PHKB: variants seen among roughly 807,000 people sequenced by gnomAD.
The protein encoded by PHKB is phosphorylase kinase regulatory subunit beta, also known as phosphorylase b kinase regulatory subunit beta.
A neutral mutation model predicts 152.1 loss-of-function variants in PHKB; 122 were observed. The ratio of observed to expected loss-of-function variants is 0.80; its 90% CI spans 0.69 to 0.93. PHKB has a LOEUF of 0.93. Among genes scored for constraint, PHKB ranks in the 40% least tolerant of loss-of-function variants. The pLI is 0.00. For missense variants in PHKB, 1,304 were observed against 1,328.4 expected (o/e 0.98, Z 0.29); for synonymous variants, 436 against 464.9 (o/e 0.94, Z 0.80).
intron 6 of PHKB, among the ~76,000 whole-genome samples, chr16:47,538,065 T>A (rs960184464): frequency 7.2e-5 from 11 of 152,088 alleles, no homozygotes; most frequent in African/African-American, 1.2e-4. Context: ...GCTAATTTTT[T>A]AATTTTTTTT....
chr16:47,690,018 C>T (rs990361005), intron 27 of PHKB, among the ~76,000 whole-genome samples: 4 of 152,016 alleles, frequency 2.6e-5, no homozygotes, highest in Non-Finnish European at 5.9e-5. Context: ...AAGGACTTGC[C>T]CTGCTAGACA....
At chr16:47,552,175 A>C (rs1971283431) in intron 7 of PHKB, among the ~76,000 whole-genome samples, 1 of 152,024 alleles carries the variant, frequency 6.6e-6, no homozygotes, top group African/African-American at 2.4e-5. Flanking sequence ...CCAGTTTTCC[A>C]GTCTCTGTTT....
chr16:47,580,482 G>C, intron 8 of PHKB, 124 bp downstream of exon 8: 1 of 665,590 alleles, frequency 1.5e-6, no homozygotes, highest in South Asian at 1.9e-5. Flanking sequence ...AGAAGCTCAT[G>C]CTTGAACTTT....
chr16:47,633,890 G>T (rs1418899622), intron 14 of PHKB, among the ~76,000 whole-genome samples: 2 of 152,118 alleles, frequency 1.3e-5, no homozygotes, highest in Non-Finnish European at 2.9e-5. Flanking sequence ...TTTTCTTCAT[G>T]CATTCAAGAA....
At chr16:47,662,510 T>G (rs1038092828) in intron 23 of PHKB, among the ~76,000 whole-genome samples, 1 of 152,234 alleles carries the variant, frequency 6.6e-6, no homozygotes, top group Non-Finnish European at 1.5e-5. Flanking sequence ...TGGTTAGAAC[T>G]GAAAAACAGC....
chr16:47,659,634 A>G (rs1052487893), intron 20 of PHKB, among the ~76,000 whole-genome samples: 2 of 152,150 alleles, frequency 1.3e-5, no homozygotes, highest in Non-Finnish European at 2.9e-5. Flanking sequence ...AAACTTATGG[A>G]AAATAAAATG....
chr16:47,589,731 T>C (rs12596663), intron 10 of PHKB, among the ~76,000 whole-genome samples: 1 of 152,242 alleles, frequency 6.6e-6, no homozygotes, highest in Non-Finnish European at 1.5e-5. Context: ...TAAGAAGTCA[T>C]GCACATTGCT....
intron 10 of PHKB, among the ~76,000 whole-genome samples, chr16:47,589,799 T>A (rs1339484273): frequency 6.6e-6 from 1 of 152,218 alleles, no homozygotes; most frequent in Non-Finnish European, 1.5e-5. Context: ...GTTTCTTTCC[T>A]TTTGAGATGG....
At chr16:47,539,548 G>C (rs1165928654) in intron 6 of PHKB, among the ~76,000 whole-genome samples, 1 of 152,000 alleles carries the variant, frequency 6.6e-6, no homozygotes, top group Admixed American at 6.6e-5. Context: ...CATTCCATTG[G>C]AGCATTGAGA....
intron 4 of PHKB, among the ~76,000 whole-genome samples, chr16:47,503,685 C>T (rs1236870144): frequency 2.6e-5 from 4 of 151,864 alleles, no homozygotes; most frequent in Non-Finnish European, 4.4e-5. Flanking sequence ...AAAAATTAGC[C>T]GGGCATGGTG....
intron 27 of PHKB, 45 bp downstream of exon 27, chr16:47,689,220 A>G (rs759950300): frequency 3.2e-6 from 5 of 1,579,064 alleles, no homozygotes; most frequent in East Asian, 4.5e-5. Flanking sequence ...TGGATTTACA[A>G]TAACATCATA....
chr16:47,657,460 C>T lies in PHKB; in HGVS notation c.1972-3046C>T, dbSNP rs574258660. On this transcript the variant is annotated intron_variant, in intron 20 of 30. Coordinates refer to ENST00000323584, the MANE Select transcript of PHKB (RefSeq NM_000293.3). ...GTAGGATGGTCTGTTGGAAAGGACCCGGTGGGATATAATTGAGTGTTTTAA... is the reference window on the plus strand; with the variant it reads ...GTAGGATGGTCTGTTGGAAAGGACCTGGTGGGATATAATTGAGTGTTTTAA... Among the ~76,000 whole-genome samples the T allele has an allele frequency of 4.3e-4, 65 of 152,126 alleles. 1 individual carries two copies. Among genetic ancestry groups the T allele is most frequent in the Admixed American group, 7.2e-4 (11 of 15,292 alleles).
intron 14 of PHKB, among the ~76,000 whole-genome samples, chr16:47,611,355 A>G (rs1399360947): frequency 1.3e-5 from 2 of 152,114 alleles, no homozygotes; most frequent in Non-Finnish European, 2.9e-5. Context: ...ATAGTTTTAA[A>G]ATTTTTACAT....
chr16:47,659,698 C>G (rs1973403475), intron 20 of PHKB, among the ~76,000 whole-genome samples: 1 of 152,142 alleles, frequency 6.6e-6, no homozygotes, highest in South Asian at 2.1e-4. Flanking sequence ...GCCTGGATAA[C>G]CAATACCTTC....
intron 7 of PHKB, among the ~76,000 whole-genome samples, chr16:47,576,377 C>T (rs956163847): frequency 2.6e-5 from 4 of 152,090 alleles, no homozygotes; most frequent in African/African-American, 9.7e-5. Context: ...TATTATTGAA[C>T]CGGCCTTGTT....
At chr16:47,566,669 A>T (rs1240033292) in intron 7 of PHKB, 3 of 864,436 alleles carry the variant, frequency 3.5e-6, no homozygotes, top group Non-Finnish European at 6.0e-6. Context: ...CAGCCCCTGG[A>T]GCAGTGGGAA....
At chr16:47,652,573 A>G (rs566968784) in intron 20 of PHKB, among the ~76,000 whole-genome samples, 9 of 151,850 alleles carry the variant, frequency 5.9e-5, no homozygotes, top group Admixed American at 5.3e-4. Flanking sequence ...TTGACTTTTA[A>G]TACTAGCCAT....
intron 10 of PHKB, among the ~76,000 whole-genome samples, chr16:47,593,059 G>A (rs1014473298): frequency 2.0e-5 from 3 of 150,122 alleles, no homozygotes; most frequent in African/African-American, 7.4e-5. Context: ...GAGCAGCTTG[G>A]GCAACAGAGG....
chr16:47,493,307 ACTTT>A (rs1310916321), intron 1 of PHKB, among the ~76,000 whole-genome samples: 1 of 152,238 alleles, frequency 6.6e-6, no homozygotes, highest in Admixed American at 6.5e-5. Flanking sequence ...TTTAAAAGTC[ACTTT>A]ATAAAATTTT....
Sources: gnomAD v4.1 joint callset for allele counts (sites outside exome capture counted in the v4.1 genomes callset) on GRCh38, gnomAD v4.1.1 for gene constraint, MANE v1.5 for transcripts, NCBI Gene and HGNC (gene_info 2026-07-23, HGNC 2026-07-21) for gene names.